Variants in RSPO3 observed in about 807,000 individuals in gnomAD.
RSPO3 encodes R-spondin-3.
RSPO3 carries 17 observed loss-of-function variants against 36.5 expected under a neutral mutation model. The observed-to-expected ratio is 0.47, with a 90% CI of 0.32 to 0.70. The LOEUF is 0.70. RSPO3 is among the 30% of genes least tolerant of loss of function. RSPO3 has a pLI of 0.04. For missense variants in RSPO3, 294 were observed against 322.5 expected (o/e 0.91, Z 0.68); for synonymous variants, 108 against 107.0 (o/e 1.01, Z -0.06).
intron 1 of RSPO3, among the ~76,000 whole-genome samples, chr6:127,121,018 C>T (rs1222839766): frequency 6.6e-6 from 1 of 152,184 alleles, no homozygotes; most frequent in African/African-American, 2.4e-5. Flanking sequence ...ATAGGGAGCC[C>T]GGGCTGGAGC....
intron 4 of RSPO3, among the ~76,000 whole-genome samples, chr6:127,189,059 A>AT (rs1487235197): frequency 6.6e-6 from 1 of 152,214 alleles, no homozygotes; most frequent in Non-Finnish European, 1.5e-5. Flanking sequence ...CCTGGTACAT[A>AT]TTAAAAGTAA....
At chr6:127,150,974 T>G (rs1774480475) in intron 3 of RSPO3, among the ~76,000 whole-genome samples, 1 of 151,810 alleles carries the variant, frequency 6.6e-6, no homozygotes, top group African/African-American at 2.4e-5. Flanking sequence ...TGAACTTAAT[T>G]TTTACCTTAG....
chr6:127,120,783 C>T (rs1773827982), intron 1 of RSPO3, among the ~76,000 whole-genome samples: 1 of 152,240 alleles, frequency 6.6e-6, no homozygotes, highest in African/African-American at 2.4e-5. Flanking sequence ...TTAGGATCAC[C>T]TAGCAGGGGG....
chr6:127,148,680 G>C lies in RSPO3; in HGVS notation c.130G>C (p.Gly44Arg), dbSNP rs1238518696. 6.2e-7 allele frequency: 1 copy of C among 1,612,832 alleles called. No individual in the cohort carries two copies. The highest frequency in any genetic ancestry group is 8.5e-7 in the Non-Finnish European group (1 of 1,179,208). ...HPNVSQGCQG[G>R]CATCSDYNGC... The stretch of plus-strand genomic sequence containing the variant: ...TAACGTTAGTCAAGGCTGCCAAGGA[G>C]GCTGTGCAACATGCTCAGATTACAA... The change falls in exon 2 of 5, where the codon GGC becomes CGC. Residue 44 changes from glycine to arginine, a missense_variant. Transcript: ENST00000356698.
rs571020253 is a variant in RSPO3, at chr6:127,148,127, G to A, written c.98-521G>A. ...GTTCAAAACAGATATAAAACTTAGT[G>A]TCCTTACTCAAGTTAAGCCCTAATG... is the stretch of plus-strand genomic sequence containing the variant. On this transcript the variant is annotated intron_variant, in intron 1 of 4. Coordinates refer to ENST00000356698, the MANE Select transcript of RSPO3 (RefSeq NM_032784.5). Among the ~76,000 whole-genome samples the A allele has an allele frequency of 5.9e-4, 89 of 152,082 alleles. 3 individuals are homozygous for A. Among genetic ancestry groups the A allele is most frequent in the Middle Eastern group, 3.4e-3 (1 of 294 alleles).
intron 4 of RSPO3, among the ~76,000 whole-genome samples, chr6:127,188,862 A>G (rs1359808395): frequency 3.3e-5 from 5 of 152,182 alleles, no homozygotes; most frequent in Non-Finnish European, 5.9e-5. Flanking sequence ...CAGTTAGTCC[A>G]CAGCTGGGCT....
intron 4 of RSPO3, among the ~76,000 whole-genome samples, chr6:127,160,799 T>C (rs919750239): frequency 6.6e-6 from 1 of 152,168 alleles, no homozygotes; most frequent in Non-Finnish European, 1.5e-5. Context: ...GTCTGGTGTC[T>C]GAACCCTGCC....
At chr6:127,133,152 A>G (rs1016280356) in intron 1 of RSPO3, among the ~76,000 whole-genome samples, 1 of 152,118 alleles carries the variant, frequency 6.6e-6, no homozygotes, top group African/African-American at 2.4e-5. Flanking sequence ...ATGTTAAAAC[A>G]TATGCAATGG....
intron 3 of RSPO3, among the ~76,000 whole-genome samples, chr6:127,150,969 T>C (rs1278738318): frequency 1.3e-5 from 2 of 151,860 alleles, no homozygotes; most frequent in Non-Finnish European, 2.9e-5. Context: ...TGTCTTGAAC[T>C]TAATTTTTAC....
chr6:127,158,912 G>T (rs1257100817), intron 4 of RSPO3, among the ~76,000 whole-genome samples: 1 of 151,866 alleles, frequency 6.6e-6, no homozygotes, highest in Non-Finnish European at 1.5e-5. Flanking sequence ...GAACTTAATT[G>T]AATTATATAT....
rs1775512456 is a variant in RSPO3, at chr6:127,196,202, T to C, written c.*195T>C. ...AGCCAAAAGATCAAAGAAGGGATAC[T>C]TTCAGATGGTTGTCTTGTGTGCTTC... On this transcript the variant is annotated 3_prime_UTR_variant, in exon 5 of 5. Coordinates refer to ENST00000356698, the MANE Select transcript of RSPO3 (RefSeq NM_032784.5). 1 of 374,784 alleles carries C rather than the reference T, an allele frequency of 2.7e-6. No homozygotes were observed. The allele number at this position is 374,784 out of a possible 1,614,324, so 23.2% of individuals were successfully genotyped here. A position where few individuals can be genotyped will look rare whatever the true frequency, so the allele number is the denominator to read the frequency against.
chr6:127,172,036 G>A (rs894286343), intron 4 of RSPO3, among the ~76,000 whole-genome samples: 1 of 151,200 alleles, frequency 6.6e-6, no homozygotes, highest in African/African-American at 2.4e-5. Flanking sequence ...CTACCAACAT[G>A]TGATCTAGTA....
intron 4 of RSPO3, 47 bp from the exon 5 acceptor site, chr6:127,195,775 TA>T: frequency 7.8e-7 from 1 of 1,275,238 alleles, no homozygotes; most frequent in South Asian, 1.6e-5. Flanking sequence ...AATTAAAAAA[TA>T]GAACATAATT....
At chr6:127,147,406 C>CCA (rs1774406353) in intron 1 of RSPO3, among the ~76,000 whole-genome samples, 2 of 152,150 alleles carry the variant, frequency 1.3e-5, no homozygotes, top group African/African-American at 4.8e-5. Context: ...GCCAGAAATA[C>CCA]ACTGGGATGC....
intron 1 of RSPO3, among the ~76,000 whole-genome samples, chr6:127,130,845 T>A (rs965069532): frequency 2.0e-5 from 3 of 152,070 alleles, no homozygotes; most frequent in African/African-American, 4.8e-5. Flanking sequence ...AGTTTTTTTT[T>A]ATATGGAGTC....
chr6:127,161,564 G>A (rs1002207193), intron 4 of RSPO3, among the ~76,000 whole-genome samples: 1 of 151,968 alleles, frequency 6.6e-6, no homozygotes, highest in African/African-American at 2.4e-5. Context: ...TATTCACAGT[G>A]GGAAATACTT....
At chr6:127,143,419 TGC>T (rs1774319086) in intron 1 of RSPO3, among the ~76,000 whole-genome samples, 1 of 152,198 alleles carries the variant, frequency 6.6e-6, no homozygotes. Context: ...TTAAGGCCAC[TGC>T]ATACAGAAAA....
chr6:127,162,713 G>A (rs528829110), intron 4 of RSPO3, among the ~76,000 whole-genome samples: 1 of 152,090 alleles, frequency 6.6e-6, no homozygotes, highest in Non-Finnish European at 1.5e-5. Context: ...CAGTCCACAA[G>A]GTAATGACCA....
chr6:127,137,112 G>A (rs1774175536), intron 1 of RSPO3, among the ~76,000 whole-genome samples: 1 of 152,182 alleles, frequency 6.6e-6, no homozygotes, highest in Admixed American at 6.5e-5. Context: ...GTCATTATGG[G>A]CTGGGCACGG....
Sources: allele counts gnomAD v4.1 joint callset (sites outside exome capture counted in the v4.1 genomes callset), GRCh38; gene constraint gnomAD v4.1.1; transcripts MANE v1.5; gene names NCBI Gene and HGNC (gene_info 2026-07-23, HGNC 2026-07-21).